QTMAN: variants seen among roughly 807,000 people sequenced by gnomAD.
QTMAN encodes tRNA-queuosine alpha-mannosyltransferase.
At chr2:144,251,264 T>C in the QTMAN span, among the ~76,000 whole-genome samples, 1 of 152,208 alleles carries the variant, frequency 6.6e-6, no homozygotes, top group Admixed American at 6.5e-5. Flanking sequence ...ACACTTAGTT[T>C]ACTAATTATT....
the QTMAN span, among the ~76,000 whole-genome samples, chr2:144,108,411 G>A: frequency 4.6e-5 from 7 of 152,104 alleles, no homozygotes; most frequent in Admixed American, 3.9e-4. Flanking sequence ...AGACCAAGGC[G>A]GGCAGATCCC....
At chr2:144,020,133 G>A in the QTMAN span, among the ~76,000 whole-genome samples, 1 of 152,040 alleles carries the variant, frequency 6.6e-6, no homozygotes, top group Non-Finnish European at 1.5e-5. Context: ...AAAGGGAAGA[G>A]CATGGTCCCT....
the QTMAN span, among the ~76,000 whole-genome samples, chr2:144,057,774 A>G: frequency 4.3e-4 from 65 of 152,332 alleles, no homozygotes; most frequent in African/African-American, 1.4e-3. Context: ...AATGTGAAGA[A>G]ACTCCCACAT....
At chr2:144,184,007 C>G in the QTMAN span, among the ~76,000 whole-genome samples, 1 of 152,096 alleles carries the variant, frequency 6.6e-6, no homozygotes, top group Non-Finnish European at 1.5e-5. Context: ...GCAATACGCA[C>G]GGCTCGTGGG....
At chr2:144,252,234 G>A in the QTMAN span, among the ~76,000 whole-genome samples, 1 of 151,798 alleles carries the variant, frequency 6.6e-6, no homozygotes, top group African/African-American at 2.4e-5. Context: ...GATTAGCCAA[G>A]CACAATGACA....
the QTMAN span, among the ~76,000 whole-genome samples, chr2:144,048,763 A>C: frequency 1.3e-5 from 2 of 148,834 alleles, no homozygotes; most frequent in African/African-American, 2.5e-5. Flanking sequence ...TATCTCCCCA[A>C]CCCCCACCAA....
the QTMAN span, among the ~76,000 whole-genome samples, chr2:144,169,191 C>T: frequency 6.6e-6 from 1 of 152,116 alleles, no homozygotes; most frequent in South Asian, 2.1e-4. Context: ...ACACCCAAGA[C>T]CATTTAATGG....
the QTMAN span, among the ~76,000 whole-genome samples, chr2:144,174,762 C>T: frequency 1.3e-5 from 2 of 152,140 alleles, no homozygotes; most frequent in African/African-American, 4.8e-5. Context: ...CCATGTAAGG[C>T]GTGTCTTTAC....
the QTMAN span, among the ~76,000 whole-genome samples, chr2:144,182,808 A>AT: frequency 1.1e-3 from 56 of 52,502 alleles, no homozygotes; most frequent in Non-Finnish European, 1.7e-3. Context: ...TTATATATAT[A>AT]ATATATATAT....
At chr2:144,092,925 A>G in the QTMAN span, among the ~76,000 whole-genome samples, 1 of 147,300 alleles carries the variant, frequency 6.8e-6, no homozygotes, top group Admixed American at 6.8e-5. Flanking sequence ...AACACTGAGT[A>G]TCTGGGGAAA....
At chr2:144,172,621 C>CAAAAAAA in the QTMAN span, among the ~76,000 whole-genome samples, 1 of 51,354 alleles carries the variant, frequency 1.9e-5, no homozygotes, top group African/African-American at 5.8e-5. Context: ...AAGACTCTGT[C>CAAAAAAA]AAAAAAAAAA....
At chr2:144,049,645 T>C in the QTMAN span, among the ~76,000 whole-genome samples, 2 of 152,304 alleles carry the variant, frequency 1.3e-5, no homozygotes, top group Admixed American at 1.3e-4. Context: ...ATTTTAAACT[T>C]TGCTTCCTAG....
chr2:144,082,469 G>T, the QTMAN span, among the ~76,000 whole-genome samples: 3 of 152,024 alleles, frequency 2.0e-5, no homozygotes, highest in African/African-American at 7.2e-5. Context: ...TGGGGGGAAG[G>T]GGGTGTATAC....
At chr2:144,320,875 G>A in the QTMAN span, among the ~76,000 whole-genome samples, 2 of 152,084 alleles carry the variant, frequency 1.3e-5, no homozygotes, top group Non-Finnish European at 2.9e-5. Context: ...TGTTCCTCCT[G>A]GTTATGATTG....
At chr2:144,018,820 A>G in the QTMAN span, among the ~76,000 whole-genome samples, 1 of 152,178 alleles carries the variant, frequency 6.6e-6, no homozygotes, top group Non-Finnish European at 1.5e-5. Context: ...TTCAATCAGG[A>G]AAGAATTAGG....
At chr2:144,174,388 GATGTCCCTCATTGCTAA>G in the QTMAN span, among the ~76,000 whole-genome samples, 1 of 152,102 alleles carries the variant, frequency 6.6e-6, no homozygotes, top group Non-Finnish European at 1.5e-5. Flanking sequence ...GTCAGGAATC[GATGTCCCTCATTGCTAA>G]ATGTCCAGTG....
chr2:144,173,969 C>G, the QTMAN span, among the ~76,000 whole-genome samples: 1 of 152,136 alleles, frequency 6.6e-6, no homozygotes, highest in South Asian at 2.1e-4. Context: ...TGGAAGGAAC[C>G]CAAGTCCCTC....
chr2:144,132,452 A>G, the QTMAN span, among the ~76,000 whole-genome samples: 1 of 152,080 alleles, frequency 6.6e-6, no homozygotes, highest in South Asian at 2.1e-4. Flanking sequence ...TAGAATACTA[A>G]ACAACTAGAA....
At chr2:143,987,551 G>C in the QTMAN span, among the ~76,000 whole-genome samples, 1 of 152,142 alleles carries the variant, frequency 6.6e-6, no homozygotes, top group South Asian at 2.1e-4. Context: ...TGCAATGACT[G>C]GGGAGTTCTC....
Sources: gnomAD v4.1 joint callset for allele counts (sites outside exome capture counted in the v4.1 genomes callset) on GRCh38, gnomAD v4.1.1 for gene constraint, MANE v1.5 for transcripts, NCBI Gene and HGNC (gene_info 2026-07-23, HGNC 2026-07-21) for gene names.